Variants in UBE2J1 observed in about 807,000 individuals in gnomAD.
UBE2J1 encodes the protein ubiquitin conjugating enzyme E2 J1.
Under a neutral mutation model 42.1 loss-of-function variants are expected in UBE2J1, and 17 were observed. The observed-to-expected ratio is 0.40, with a 90% CI of 0.28 to 0.61. The LOEUF (loss-of-function observed/expected upper bound fraction) is 0.61. Ranked by LOEUF, UBE2J1 falls within the 20% of genes least tolerant of loss-of-function variation. UBE2J1 has a pLI of 0.38. For missense variants in UBE2J1, 291 were observed against 389.4 expected (o/e 0.75, Z 2.13); for synonymous variants, 127 against 137.2 (o/e 0.93, Z 0.52).
At chr6:89,352,218 C>T (rs1415949449) in intron 1 of UBE2J1, among the ~76,000 whole-genome samples, 1 of 152,134 alleles carries the variant, frequency 6.6e-6, no homozygotes, top group East Asian at 1.9e-4. Flanking sequence ...GGGTTGATGA[C>T]TATCGCCCAC....
rs1767941011 is a variant in UBE2J1, at chr6:89,328,136, GTTC to G, written c.*1540_*1542del. ...TGTATTATATAATAGTGTACAATAT[GTTC>G]TTATTTTAGATGTAGAAATAAAGGA... On this transcript the variant is annotated 3_prime_UTR_variant, in exon 8 of 8. Coordinates refer to ENST00000435041, the MANE Select transcript of UBE2J1 (RefSeq NM_016021.3). 6.6e-6 allele frequency: 1 copy of G among 152,142 alleles called. No homozygotes were observed. 9.4% of individuals were successfully genotyped at this position (152,142 alleles called of 1,614,324 possible).
At chr6:89,345,583 C>G (rs1447665094) in intron 1 of UBE2J1, among the ~76,000 whole-genome samples, 1 of 149,956 alleles carries the variant, frequency 6.7e-6, no homozygotes, top group Non-Finnish European at 1.5e-5. Context: ...GCCTGGGCTT[C>G]AGAGAGAGAC....
chr6:89,336,361 G>A (rs1378903505), intron 5 of UBE2J1, among the ~76,000 whole-genome samples: 3 of 152,062 alleles, frequency 2.0e-5, no homozygotes, highest in Non-Finnish European at 4.4e-5. Flanking sequence ...TGCAATCATG[G>A]CTTGCTGCAG....
chr6:89,333,108 T>C lies in UBE2J1; in HGVS notation c.656A>G (p.Gln219Arg). The C allele has an allele frequency of 6.2e-7, 1 of 1,612,146 alleles. No individual in the cohort carries two copies. Among genetic ancestry groups the C allele is most frequent in the South Asian group, 1.1e-5 (1 of 90,536 alleles). Reference sequence around the variant, plus strand: ...TACCGATGTACTGGCCGTAGCACCCTGGAATGTTGTAGGTATATCATCTTG... The same window carrying C: ...TACCGATGTACTGGCCGTAGCACCCCGGAATGTTGTAGGTATATCATCTTG... ...DLQDDIPTTF[Q>R]GATASTSYGL... The change falls in exon 7 of 8, where the codon CAG becomes CGG. Residue 219 changes from glutamine (Q) to arginine (R), a missense_variant. This residue lies in a region of UBE2J1 where 176 missense variants were observed against 196.3 expected (regional missense o/e 0.90). Transcript: ENST00000435041.
At chr6:89,350,868 C>T (rs537453663) in intron 1 of UBE2J1, among the ~76,000 whole-genome samples, 1 of 152,238 alleles carries the variant, frequency 6.6e-6, no homozygotes, top group South Asian at 2.1e-4. Flanking sequence ...GCATTATCCT[C>T]TGGACCTTTC....
At chr6:89,339,480 GGAGGA>G (rs1451580106) in intron 3 of UBE2J1, among the ~76,000 whole-genome samples, 4 of 3,652 alleles carry the variant, frequency 1.1e-3, no homozygotes, top group Admixed American at 3.9e-3. Context: ...GGGGGAGGGG[GGAGGA>G]GAGGGGATGG....
chr6:89,351,069 C>CTTTT lies in UBE2J1; in HGVS notation c.31+1466_31+1469dup, dbSNP rs1193022037. Among the ~76,000 whole-genome samples the CTTTT allele has an allele frequency of 3.4e-3, 204 of 60,474 alleles. 30 individuals are homozygous for CTTTT. The highest frequency in any genetic ancestry group is 4.5e-3 in the Non-Finnish European group (150 of 33,398). 39.7% of individuals were successfully genotyped at this position (60,474 alleles called of 152,430 possible). On this transcript the variant is annotated intron_variant, in intron 1 of 7. Coordinates refer to ENST00000435041, the MANE Select transcript of UBE2J1 (RefSeq NM_016021.3). Reference sequence around the variant, plus strand: ...TCCTCCCTCCCCACCCCGGGATTCTCTTTTTTTTTTTTTTTTTTTTTTTTT... The same window carrying CTTTT: ...TCCTCCCTCCCCACCCCGGGATTCTCTTTTTTTTTTTTTTTTTTTTTTTTTTTTT...
Position 89,352,524 on chromosome 6 carries a change from C to T in UBE2J1, c.31+15G>A, listed in dbSNP as rs550483820. 15 of 1,567,766 alleles carry T rather than the reference C, an allele frequency of 9.6e-6. No homozygotes were observed. In the East Asian group the frequency reaches 3.3e-4, roughly 34 times the overall value. ...CACTCCGCCCTCCTCGCCCAGGGGC[C>T]CCAGCCCTGCTCACCCGGACTCTTC... On this transcript the variant is annotated intron_variant, in intron 1 of 7. Coordinates refer to ENST00000435041, the MANE Select transcript of UBE2J1 (RefSeq NM_016021.3).
intron 3 of UBE2J1, among the ~76,000 whole-genome samples, chr6:89,338,801 A>G (rs549127273): frequency 8.1e-4 from 122 of 151,092 alleles, no homozygotes; most frequent in East Asian, 5.9e-3. Context: ...AAGTAGCTGG[A>G]ACTACAGGCG....
At chr6:89,336,695 C>T (rs1768114208) in intron 5 of UBE2J1, among the ~76,000 whole-genome samples, 1 of 151,846 alleles carries the variant, frequency 6.6e-6, no homozygotes, top group Non-Finnish European at 1.5e-5. Context: ...TGACCACACA[C>T]CTTTGAGAAT....
chr6:89,336,340 G>A (rs1768105978), intron 5 of UBE2J1, among the ~76,000 whole-genome samples: 1 of 151,986 alleles, frequency 6.6e-6, no homozygotes, highest in East Asian at 1.9e-4. Context: ...ACCCAGGCTG[G>A]AATGCAGTGG....
chr6:89,345,713 G>A (rs1396104535), intron 1 of UBE2J1, among the ~76,000 whole-genome samples: 2 of 151,984 alleles, frequency 1.3e-5, no homozygotes, highest in African/African-American at 4.8e-5. Flanking sequence ...TTTGAAACCA[G>A]CCTGACCAGC....
intron 5 of UBE2J1, 33 bp from the exon 6 acceptor site, chr6:89,335,464 ATAG>A: frequency 6.6e-7 from 1 of 1,509,234 alleles, no homozygotes. Flanking sequence ...ATGAAAATAA[ATAG>A]TTAAATGTTT....
At chr6:89,331,899 T>A (rs1424687511) in intron 7 of UBE2J1, among the ~76,000 whole-genome samples, 1 of 152,220 alleles carries the variant, frequency 6.6e-6, no homozygotes, top group Non-Finnish European at 1.5e-5. Flanking sequence ...ATATTGACCT[T>A]AAAATTAATT....
At chr6:89,338,158 C>A (rs369476711) in intron 5 of UBE2J1, 47 bp downstream of exon 5, 1 of 1,372,804 alleles carries the variant, frequency 7.3e-7, no homozygotes, top group Non-Finnish European at 1.0e-6. Flanking sequence ...ATAGCCATTA[C>A]CCTGAATACT....
At chr6:89,335,138 A>T (rs1377298896) in intron 6 of UBE2J1, among the ~76,000 whole-genome samples, 164 bp downstream of exon 6, 1 of 152,186 alleles carries the variant, frequency 6.6e-6, no homozygotes, top group East Asian at 1.9e-4. Flanking sequence ...ACATATATAC[A>T]CCTACTATGT....
At chr6:89,347,279 T>C (rs1768381505) in intron 1 of UBE2J1, among the ~76,000 whole-genome samples, 1 of 152,196 alleles carries the variant, frequency 6.6e-6, no homozygotes, top group Non-Finnish European at 1.5e-5. Flanking sequence ...TATTATTAGA[T>C]AGAAATGCAA....
intron 3 of UBE2J1, among the ~76,000 whole-genome samples, chr6:89,341,689 G>A (rs139304024): frequency 4.0e-5 from 6 of 151,292 alleles, no homozygotes; most frequent in East Asian, 1.9e-4. Flanking sequence ...GTGCTACTGC[G>A]CTCCAGCCTG....
chr6:89,351,033 T>C (rs1160670633), intron 1 of UBE2J1, among the ~76,000 whole-genome samples: 1 of 151,642 alleles, frequency 6.6e-6, no homozygotes, highest in Non-Finnish European at 1.5e-5. Context: ...TCTTTCTCTT[T>C]GGTCTTTTCT....
Sources: allele counts gnomAD v4.1 joint callset (sites outside exome capture counted in the v4.1 genomes callset), GRCh38; gene constraint gnomAD v4.1.1; regional missense constraint gnomAD v4.1.1; transcripts MANE v1.5; gene names NCBI Gene and HGNC (gene_info 2026-07-23, HGNC 2026-07-21).